The following UAP1 variants were observed in gnomAD, a reference collection of about 807,000 sequenced individuals.
UAP1 encodes UDP-N-acetylhexosamine pyrophosphorylase.
Under a neutral mutation model 58.5 loss-of-function variants are expected in UAP1, and 25 were observed. The ratio of observed to expected loss-of-function variants is 0.43; its 90% confidence interval spans 0.31 to 0.60. The LOEUF (loss-of-function observed/expected upper bound fraction) is 0.60. Among genes scored for constraint, UAP1 ranks in the 20% least tolerant of loss-of-function variants. The pLI is 0.11. For missense variants in UAP1, 575 were observed against 630.0 expected (o/e 0.91, Z 0.93); for synonymous variants, 208 against 213.0 (o/e 0.98, Z 0.21).
chr1:162,587,318 A>G (rs917116708), intron 5 of UAP1, among the ~76,000 whole-genome samples, 157 bp from the exon 6 acceptor site: 1 of 152,236 alleles, frequency 6.6e-6, no homozygotes, highest in Non-Finnish European at 1.5e-5. Context: ...GTCAAGGTAT[A>G]TAAAGATGGA....
At chr1:162,600,177 A>G (rs887212597), downstream of UAP1, among the ~76,000 whole-genome samples, 1 of 152,222 alleles carries the variant, frequency 6.6e-6, no homozygotes, top group African/African-American at 2.4e-5. Flanking sequence ...CTCCTACGAC[A>G]AAGAGTTATC....
intron 9 of UAP1, chr1:162,593,832 A>C (rs1655469318): frequency 6.6e-6 from 1 of 152,064 alleles, no homozygotes; most frequent in African/African-American, 2.4e-5. Context: ...GATGGAAGTT[A>C]TCTCAGAAAT....
At chr1:162,583,974 GT>G (rs1301565657) in intron 5 of UAP1, among the ~76,000 whole-genome samples, 1 of 152,130 alleles carries the variant, frequency 6.6e-6, no homozygotes, top group Non-Finnish European at 1.5e-5. Context: ...CAGGCTCAAG[GT>G]TCTTTATCAC....
At chr1:162,583,095 C>G (rs532664401) in intron 5 of UAP1, among the ~76,000 whole-genome samples, 7 of 151,282 alleles carry the variant, frequency 4.6e-5, no homozygotes, top group Non-Finnish European at 7.4e-5. Flanking sequence ...TCCTGCCTCA[C>G]CCTCCCCAGT....
chr1:162,563,628 A>C (rs1365431072), intron 1 of UAP1, among the ~76,000 whole-genome samples: 1 of 152,046 alleles, frequency 6.6e-6, no homozygotes, highest in Admixed American at 6.5e-5. Context: ...CTCCCAAAGT[A>C]CTGGAATTAC....
chr1:162,592,490 A>G (rs1655374750), intron 8 of UAP1, among the ~76,000 whole-genome samples: 1 of 152,182 alleles, frequency 6.6e-6, no homozygotes, highest in Non-Finnish European at 1.5e-5. Flanking sequence ...CTCCCAGTCC[A>G]AGGCCACTTT....
chr1:162,576,967 A>G (rs1325496734), exon 3 of UAP1: 1 of 1,614,024 alleles, frequency 6.2e-7, no homozygotes, highest in Non-Finnish European at 8.5e-7. Flanking sequence ...ATGGCAACAA[A>G]TGCATTATTC....
intron 9 of UAP1, among the ~76,000 whole-genome samples, chr1:162,596,426 C>T (rs753114217): frequency 1.3e-4 from 20 of 152,078 alleles, no homozygotes; most frequent in Non-Finnish European, 2.2e-4. Flanking sequence ...CCACCCACCG[C>T]GGCCTCCCAA....
At chr1:162,592,637 A>G (rs1655383782) in intron 8 of UAP1, 95 bp from the exon 9 acceptor site, 1 of 927,624 alleles carries the variant, frequency 1.1e-6, no homozygotes, top group African/African-American at 1.6e-5. Flanking sequence ...TACCATAAAT[A>G]CATACCATTC....
the UAP1 span, chr1:162,579,603 G>GGCT: frequency 6.4e-7 from 1 of 1,557,898 alleles, no homozygotes; most frequent in South Asian, 1.2e-5. Flanking sequence ...TATGGCTCCA[G>GGCT]GTTTGTAATC....
chr1:162,586,742 AT>A (rs1654926559), intron 5 of UAP1, among the ~76,000 whole-genome samples: 1 of 152,122 alleles, frequency 6.6e-6, no homozygotes, highest in African/African-American at 2.4e-5. Context: ...TTTCCCTCTG[AT>A]TTTAGTATAC....
At chr1:162,581,310 G>T in exon 5 of UAP1, 1 of 1,612,402 alleles carries the variant, frequency 6.2e-7, no homozygotes, top group African/African-American at 1.3e-5. Context: ...TCTTTATCGG[G>T]CACTTGCAGC....
chr1:162,561,618 G>A (rs951354021), exon 1 of UAP1: 2 of 151,986 alleles, frequency 1.3e-5, no homozygotes, highest in Non-Finnish European at 2.9e-5. Flanking sequence ...AGAGGGGCGG[G>A]GTGGCCGGGG....
chr1:162,567,941 T>G (rs6427684), intron 2 of UAP1, among the ~76,000 whole-genome samples: 44,196 of 151,880 alleles, frequency 0.29, 6,979 homozygotes, highest in African/African-American at 0.4. Context: ...GATTACAGGT[T>G]CGTACCACCA....
At chr1:162,562,109 T>C (rs1021701311) in intron 1 of UAP1, among the ~76,000 whole-genome samples, 3 of 152,046 alleles carry the variant, frequency 2.0e-5, no homozygotes, top group African/African-American at 4.8e-5. Context: ...TGGGCCAGTG[T>C]CTGAGTCCGA....
At chr1:162,589,204 T>TA (rs1491137286) in intron 7 of UAP1, among the ~76,000 whole-genome samples, 87 of 43,244 alleles carry the variant, frequency 2.0e-3, no homozygotes, top group African/African-American at 5.6e-3. Context: ...ATATATTATA[T>TA]TTAAATATAT....
chr1:162,590,570 TTCTCTCTCTC>T, intron 8 of UAP1, 59 bp downstream of exon 8: 1 of 1,288,960 alleles, frequency 7.8e-7, no homozygotes. Flanking sequence ...CCTCTTGGAC[TTCTCTCTCTC>T]TCTCTCTCTC....
intron 9 of UAP1, among the ~76,000 whole-genome samples, chr1:162,596,857 G>C (rs1201131481): frequency 6.6e-6 from 1 of 152,200 alleles, no homozygotes; most frequent in Non-Finnish European, 1.5e-5. Flanking sequence ...GATTCTTGAA[G>C]TGGCAAATAA....
exon 7 of UAP1, chr1:162,588,820 T>A: frequency 6.2e-7 from 1 of 1,611,802 alleles, no homozygotes. Context: ...CTTTGACATC[T>A]TCCAGTTTGC....
Sources: gnomAD v4.1 joint callset for allele counts (sites outside exome capture counted in the v4.1 genomes callset) on GRCh38, gnomAD v4.1.1 for gene constraint, MANE v1.5 for transcripts, NCBI Gene and HGNC (gene_info 2026-07-23, HGNC 2026-07-21) for gene names.